The following CCDC82 variants were observed in gnomAD, a reference collection of about 807,000 sequenced individuals.
The protein encoded by CCDC82 is coiled-coil domain-containing protein 82.
CCDC82 carries 47 observed loss-of-function variants against 60.6 expected under a neutral mutation model. The observed-to-expected ratio is 0.77, with a 90% confidence interval of 0.61 to 0.99. The LOEUF is 0.99. Among genes scored for constraint, CCDC82 ranks in the 50% least tolerant of loss-of-function variants. CCDC82 has a pLI of 0.00. For synonymous variants in CCDC82, 212 were observed against 207.4 expected (o/e 1.02, Z -0.19); for missense variants, 588 against 633.0 (o/e 0.93, Z 0.76).
intron 1 of CCDC82, chr11:96,388,114 A>T (rs1235375082): frequency 6.6e-6 from 1 of 152,224 alleles, no homozygotes; most frequent in African/African-American, 2.4e-5. Flanking sequence ...AAGGAAAGAC[A>T]CTTTGAATAT....
At position 96,356,472 on chromosome 11, in the gene CCDC82, T is replaced by C. The variant is rs1323604370; in HGVS notation, c.1566+2521A>G. ...ACTTCTATTGACATGCTTTCTTTAC[T>C]ACCTGGTGTTTATGCATCCACCAGC... On this transcript the variant is annotated intron_variant, in intron 9 of 9. Transcript: ENST00000646818. The C allele has an allele frequency of 1.1e-5, 11 of 985,438 alleles. No individual in the cohort carries two copies. The East Asian group carries it at 3.4e-4, about 31-fold the overall frequency. 61.0% of individuals were successfully genotyped at this position (985,438 alleles called of 1,614,324 possible).
chr11:96,381,378 T>A (rs1171187020), intron 5 of CCDC82: 1 of 151,776 alleles, frequency 6.6e-6, no homozygotes, highest in Non-Finnish European at 1.5e-5. Flanking sequence ...AACTGCCAAA[T>A]TTCTTGAAAT....
intron 4 of CCDC82, 129 bp from the exon 5 acceptor site, chr11:96,383,602 A>T: frequency 1.7e-6 from 1 of 596,416 alleles, no homozygotes; most frequent in Middle Eastern, 3.8e-4. Flanking sequence ...TTTTAAAGTT[A>T]AAAATAAATA....
chr11:96,383,837 C>CATGT, intron 4 of CCDC82, 125 bp downstream of exon 4: 1 of 879,426 alleles, frequency 1.1e-6, no homozygotes, highest in Non-Finnish European at 1.7e-6. Context: ...TTCAAGAATA[C>CATGT]TTGATTAAAA....
In CCDC82 at chr11:96,371,076, G is replaced by A; in HGVS notation, c.1146C>T (p.Asn382=). 1 of 1,606,730 alleles carries A rather than the reference G, an allele frequency of 6.2e-7. No homozygotes were observed. The highest frequency in any genetic ancestry group is 8.5e-7 in the Non-Finnish European group (1 of 1,176,578). Residue 382 remains asparagine, a synonymous_variant, in exon 7 of 10, where the codon AAC becomes AAT. Coordinates refer to ENST00000646818, the MANE Select transcript of CCDC82 (RefSeq NM_024725.4). ...DMLTSLHYLD[N]RFVQPRLESL... is the part of the protein sequence containing the mutation. ...TCTCTAGACGAGGCTGAACAAAGCG[G>A]TTATCCAAATAATGAAGAGATGTTA... is the stretch of plus-strand genomic sequence containing the variant.
rs1865246768 is a variant in CCDC82 at position 96,371,221 on chromosome 11, A to C, written c.1085-84T>G. ...TTTAATACTTAAAAATTTCTTCCCA[A>C]CTTGGTTGGAAGCATTTTAAATTAG... is the stretch of plus-strand genomic sequence containing the variant. On this transcript the variant is annotated intron_variant, in intron 6 of 9. Coordinates refer to ENST00000646818, the MANE Select transcript of CCDC82 (RefSeq NM_024725.4). The C allele has an allele frequency of 1.1e-5, 10 of 912,260 alleles. No individual in the cohort carries two copies. The East Asian group carries it at 3.3e-4, about 30-fold the overall frequency. The allele number at this position is 912,260 out of a possible 1,614,324, so 56.5% of individuals were successfully genotyped here. A position where few individuals can be genotyped will look rare whatever the true frequency, so the allele number is the denominator to read the frequency against.
chr11:96,386,072 TAA>T (rs1491062119), intron 3 of CCDC82, 180 bp downstream of exon 3: 1 of 152,190 alleles, frequency 6.6e-6, no homozygotes, highest in East Asian at 1.9e-4. Flanking sequence ...ACAGTGACTT[TAA>T]CACCCACTTC....
chr11:96,357,394 T>C, intron 9 of CCDC82: 1 of 985,336 alleles, frequency 1.0e-6, no homozygotes. Context: ...ATGCTAAATG[T>C]TATTCTTTAT....
chr11:96,359,047 T>C lies in CCDC82; in HGVS notation c.1512A>G (p.Lys504=). Residue 504 remains lysine (K), a synonymous_variant, in exon 9 of 10, where the codon AAA becomes AAG. Transcript: ENST00000646818. ...GCCTGAAAATTCTTTCCACTGTTTC[T>C]TTAACTTGTTCATCTTCAACTTCTT... ...MTEEVEDEQV[K]ETVERIFRRS... 2.5e-6 allele frequency: 4 copies of C among 1,610,680 alleles called. No homozygotes were observed. Among genetic ancestry groups the C allele is most frequent in the Non-Finnish European group, 2.5e-6 (3 of 1,179,126 alleles).
At chr11:96,389,671 G>A (rs1866437741) in intron 1 of CCDC82, 173 bp downstream of exon 1, 1 of 152,360 alleles carries the variant, frequency 6.6e-6, no homozygotes. Context: ...GAGGGTTAGA[G>A]GCGCAAAGGG....
intron 9 of CCDC82, chr11:96,355,080 A>G (rs1248370401): frequency 6.6e-6 from 1 of 152,214 alleles, no homozygotes. Context: ...TCTTTGGCCT[A>G]GTACTTAGAT....
At chr11:96,354,571 T>C (rs1378126422) in intron 9 of CCDC82, 4 of 152,168 alleles carry the variant, frequency 2.6e-5, no homozygotes, top group Non-Finnish European at 5.9e-5. Context: ...CAACTAGTTA[T>C]GGGTCTGTGA....
intron 9 of CCDC82, chr11:96,356,137 T>C (rs1478621166): frequency 6.6e-6 from 1 of 152,172 alleles, no homozygotes; most frequent in Non-Finnish European, 1.5e-5. Context: ...AGGATTGTCA[T>C]TCAATAAATC....
At chr11:96,358,011 T>G (rs749396074) in intron 9 of CCDC82, 68 of 985,274 alleles carry the variant, frequency 6.9e-5, no homozygotes, top group Non-Finnish European at 8.1e-5. Flanking sequence ...AGTGATGATG[T>G]CATTATCTAG....
At chr11:96,381,750 G>A (rs1865887143) in intron 5 of CCDC82, 1 of 151,784 alleles carries the variant, frequency 6.6e-6, no homozygotes, top group South Asian at 2.1e-4. Flanking sequence ...TTCTCAAAGT[G>A]TTTGTCCGCA....
chr11:96,373,105 T>G (rs1349693649), intron 6 of CCDC82, among the ~76,000 whole-genome samples: 2 of 152,182 alleles, frequency 1.3e-5, no homozygotes. Context: ...CTCTGCTGTT[T>G]TAGGTGTTAT....
At chr11:96,370,510 G>T (rs967336132) in intron 7 of CCDC82, among the ~76,000 whole-genome samples, 2 of 152,178 alleles carry the variant, frequency 1.3e-5, no homozygotes, top group African/African-American at 4.8e-5. Context: ...CCCAAACAAT[G>T]TGTTATGGAA....
chr11:96,363,762 G>A (rs1300047860), intron 8 of CCDC82: 1 of 152,070 alleles, frequency 6.6e-6, no homozygotes, highest in Admixed American at 6.5e-5. Context: ...AACCTTGATA[G>A]CATTGCATTT....
At position 96,384,683 on chromosome 11, in the gene CCDC82, G is replaced by T. The variant is rs998242113; in HGVS notation, c.65C>A (p.Ser22Tyr). 6.2e-7 allele frequency: 1 copy of T among 1,613,094 alleles called. No homozygotes were observed. Among genetic ancestry groups the T allele is most frequent in the Non-Finnish European group, 8.5e-7 (1 of 1,179,570 alleles). ...NSKSHVPEQK[S>Y]RVDWRRTKRS... ...TTTAGTTCGCCTCCAATCAACTCGA[G>T]ATTTCTGCTCAGGCACGTGACTCTT... is the stretch of plus-strand genomic sequence containing the variant. Residue 22 changes from serine to tyrosine, a missense_variant, in exon 4 of 10, where the codon TCT becomes TAT. Ser to Tyr is a moderately radical substitution (Grantham distance 144). Coordinates refer to ENST00000646818, the MANE Select transcript of CCDC82 (RefSeq NM_024725.4).
Sources: allele counts gnomAD v4.1 joint callset (sites outside exome capture counted in the v4.1 genomes callset), GRCh38; gene constraint gnomAD v4.1.1; transcripts MANE v1.5; gene names NCBI Gene and HGNC (gene_info 2026-07-23, HGNC 2026-07-21).